CTXN2: variants seen among roughly 807,000 people sequenced by gnomAD.
The protein encoded by CTXN2 is cortexin-2.
A neutral mutation model predicts 5.7 loss-of-function variants in CTXN2; 3 were observed. That is an observed-to-expected ratio of 0.53 (90% CI 0.24 to 1.36). CTXN2 has a LOEUF of 1.36. CTXN2 is among the 40% of genes most tolerant of loss of function. The pLI is 0.17. For synonymous variants in CTXN2, 38 were observed against 36.4 expected (o/e 1.04, Z -0.16); for missense variants, 87 against 93.0 (o/e 0.94, Z 0.26).
In CTXN2 at chr15:48,203,274, T is replaced by C. The variant is rs2040942228; in HGVS notation, c.*1728T>C. On this transcript the variant is annotated 3_prime_UTR_variant, in exon 2 of 2. Transcript: ENST00000417307. ...AAACCAGCTGTCTCTGTGAGATTCC[T>C]TGATGCTTTCCATCTCATAATAGAT... 6.0e-6 allele frequency: 1 copy of C among 167,160 alleles called. No individual in the cohort carries two copies. Among genetic ancestry groups the C allele is most frequent in the Non-Finnish European group, 1.5e-5 (1 of 68,156 alleles). The allele number at this position is 167,160 out of a possible 1,614,324, so 10.4% of individuals were successfully genotyped here.
intron 1 of CTXN2, among the ~76,000 whole-genome samples, chr15:48,182,202 G>A (rs1428032013): frequency 1.3e-5 from 2 of 150,654 alleles, no homozygotes; most frequent in Non-Finnish European, 1.5e-5. Context: ...TTTTTTTTTA[G>A]CATTTAGCAT....
chr15:48,190,203 C>T (rs965783074), upstream of CTXN2: 2 of 152,220 alleles, frequency 1.3e-5, no homozygotes, highest in African/African-American at 4.8e-5. Context: ...AACCCCACAC[C>T]TACTGAATCA....
chr15:48,198,224 GT>G (rs1465181833), intron 1 of CTXN2, among the ~76,000 whole-genome samples: 1 of 151,978 alleles, frequency 6.6e-6, no homozygotes, highest in Admixed American at 6.6e-5. Flanking sequence ...GAGCTACTGA[GT>G]TTTTATACTT....
chr15:48,189,555 A>G (rs1010989368), upstream of CTXN2: 1 of 152,204 alleles, frequency 6.6e-6, no homozygotes, highest in Non-Finnish European at 1.5e-5. Context: ...GGAAATACAG[A>G]CTCAACTATA....
At chr15:48,180,616 G>T (rs923150498) in intron 1 of CTXN2, among the ~76,000 whole-genome samples, 9 of 152,142 alleles carry the variant, frequency 5.9e-5, no homozygotes, top group African/African-American at 1.9e-4. Flanking sequence ...CGTTCATACC[G>T]TTCTCCTGCC....
intron 1 of CTXN2, among the ~76,000 whole-genome samples, chr15:48,181,717 A>C (rs1488905824): frequency 6.6e-6 from 1 of 152,232 alleles, no homozygotes; most frequent in African/African-American, 2.4e-5. Context: ...CCTAGAATTC[A>C]TAATAAATAG....
chr15:48,188,214 G>C (rs1451263746), upstream of CTXN2, among the ~76,000 whole-genome samples: 1 of 76,640 alleles, frequency 1.3e-5, no homozygotes, highest in Non-Finnish European at 3.8e-5. Flanking sequence ...AATTGCAGTA[G>C]TTAAGGTGAT....
chr15:48,183,827 C>T (rs926897737), intron 1 of CTXN2, among the ~76,000 whole-genome samples: 6 of 152,330 alleles, frequency 3.9e-5, no homozygotes, highest in African/African-American at 7.2e-5. Context: ...ACAGTCCCAA[C>T]GTTACAGAGC....
In CTXN2 at chr15:48,201,625, G is replaced by T; in HGVS notation, c.*79G>T. ...CAATTGTAACTACCTTGAGGGTGTG[G>T]GAGAGAGGCTCATTTTGTTCAGTGA... is the stretch of plus-strand genomic sequence containing the variant. On this transcript the variant is annotated 3_prime_UTR_variant, in exon 2 of 2. Transcript: ENST00000417307. 7.3e-7 allele frequency: 1 copy of T among 1,375,644 alleles called. No individual in the cohort carries two copies. The allele number at this position is 1,375,644 out of a possible 1,614,324, so 85.2% of individuals were successfully genotyped here.
At chr15:48,179,666 AAT>A (rs1432190932) in intron 1 of CTXN2, among the ~76,000 whole-genome samples, 5 of 152,216 alleles carry the variant, frequency 3.3e-5, no homozygotes, top group African/African-American at 1.2e-4. Flanking sequence ...TAGGGATAGC[AAT>A]ACCGACCTTA....
chr15:48,180,394 C>T (rs111375055), intron 1 of CTXN2, among the ~76,000 whole-genome samples: 5 of 152,340 alleles, frequency 3.3e-5, no homozygotes, highest in African/African-American at 9.6e-5. Flanking sequence ...ATAGATTGAT[C>T]TTTCCTTCCT....
chr15:48,180,122 G>A lies in CTXN2; in HGVS notation c.-455+1722G>A, dbSNP rs561419273. On this transcript the variant is annotated intron_variant, in intron 1 of 2. Transcript: ENST00000644354. Reference sequence around the variant, plus strand: ...TAAAAAATTATTTACAAAAACAGGAGACTGGCCCACATGCCTTAGTTTGCC... The same window carrying A: ...TAAAAAATTATTTACAAAAACAGGAAACTGGCCCACATGCCTTAGTTTGCC... Among the ~76,000 whole-genome samples the A allele has an allele frequency of 3.9e-5, 6 of 152,266 alleles. No individual in the cohort carries two copies. In the South Asian group the frequency reaches 1.2e-3, roughly 32 times the overall value.
At chr15:48,193,860 A>T (rs1298756474) in intron 1 of CTXN2, among the ~76,000 whole-genome samples, 1 of 152,152 alleles carries the variant, frequency 6.6e-6, no homozygotes, top group Non-Finnish European at 1.5e-5. Flanking sequence ...GAAATGAGAC[A>T]AGTTCTTCAT....
At chr15:48,198,223 A>G (rs1398122090) in intron 1 of CTXN2, among the ~76,000 whole-genome samples, 2 of 152,154 alleles carry the variant, frequency 1.3e-5, no homozygotes, top group Non-Finnish European at 2.9e-5. Flanking sequence ...AGAGCTACTG[A>G]GTTTTTATAC....
At chr15:48,186,225 T>G (rs1334883293) in intron 1 of CTXN2, among the ~76,000 whole-genome samples, 1 of 152,162 alleles carries the variant, frequency 6.6e-6, no homozygotes. Flanking sequence ...CTAAAAGCAA[T>G]TAAATGAAAT....
chr15:48,200,949 C>G (rs2040923203), intron 1 of CTXN2, among the ~76,000 whole-genome samples: 1 of 152,164 alleles, frequency 6.6e-6, no homozygotes, highest in Non-Finnish European at 1.5e-5. Context: ...ATCTAACTGT[C>G]TAGCAATGAA....
chr15:48,185,845 C>T (rs1157751847), intron 1 of CTXN2, among the ~76,000 whole-genome samples: 2 of 152,188 alleles, frequency 1.3e-5, no homozygotes, highest in African/African-American at 4.8e-5. Flanking sequence ...TTACTACCTT[C>T]AGCTGTGTTA....
intron 1 of CTXN2, among the ~76,000 whole-genome samples, chr15:48,182,565 G>A (rs1438845341): frequency 2.0e-5 from 3 of 152,188 alleles, no homozygotes; most frequent in Non-Finnish European, 2.9e-5. Context: ...GTAGATTGAA[G>A]TGATTTCATG....
chr15:48,197,263 C>T (rs2040888643), intron 1 of CTXN2, among the ~76,000 whole-genome samples: 1 of 151,944 alleles, frequency 6.6e-6, no homozygotes, highest in Non-Finnish European at 1.5e-5. Context: ...TCATGGTTCC[C>T]TTCTAGACAT....
Sources: gnomAD v4.1 joint callset for allele counts (sites outside exome capture counted in the v4.1 genomes callset) on GRCh38, gnomAD v4.1.1 for gene constraint, MANE v1.5 for transcripts, NCBI Gene and HGNC (gene_info 2026-07-23, HGNC 2026-07-21) for gene names.